ZMYM6: variants seen among roughly 807,000 people sequenced by gnomAD.
ZMYM6 encodes the protein zinc finger MYM-type containing 6, also known as zinc finger MYM-type protein 6.
In ZMYM6, 90 loss-of-function variants were observed where a neutral mutation model predicts 134.0. That is an observed-to-expected ratio of 0.67 (90% CI 0.57 to 0.80). The LOEUF (loss-of-function observed/expected upper bound fraction) is 0.80, where lower values mean the gene tolerates loss of function less well. Ranked by LOEUF, ZMYM6 falls within the 30% of genes least tolerant of loss-of-function variation. The pLI is 0.00. For missense variants in ZMYM6, 1,362 were observed against 1,533.9 expected, an observed-to-expected ratio of 0.89 and a Z score of 1.87; for synonymous variants, 481 against 524.1, an observed-to-expected ratio of 0.92 and a Z score of 1.12.
At chr1:35,005,049 A>ACT (rs10647049) in intron 13 of ZMYM6, 83 bp downstream of exon 13, 127,523 of 1,525,844 alleles carry the variant, frequency 0.084, 23,671 homozygotes, top group African/African-American at 0.7. Flanking sequence ...CAAGAGTGAA[A>ACT]CTGTCTCAAA....
chr1:35,026,163 G>A (rs953927965), intron 2 of ZMYM6, among the ~76,000 whole-genome samples: 3 of 152,020 alleles, frequency 2.0e-5, no homozygotes, highest in East Asian at 1.9e-4. Flanking sequence ...TGGGATGACA[G>A]GCGCCCACCA....
At position 34,988,929 on chromosome 1, in the gene ZMYM6, G is replaced by A. The variant is rs1640618698; in HGVS notation, c.2153C>T (p.Pro718Leu). 6.2e-7 allele frequency: 1 copy of A among 1,605,954 alleles called. No homozygotes were observed. The highest frequency in any genetic ancestry group is 8.5e-7 in the Non-Finnish European group (1 of 1,178,264). ...TGCATCATTTTTTTCATTAGGCATA[G>A]GTAAATCTGAATGAAATATTTGAAT... is the stretch of plus-strand genomic sequence containing the variant. ...TQHKECQTDL[P>L]MPNEKNDAEL... Residue 718 changes from proline to leucine, a missense_variant, in exon 16 of 16, where the codon CCT becomes CTT. Around this residue, in one of 3 missense-constraint regions of ZMYM6, gnomAD observed 824 missense variants for 940.9 expected, o/e 0.88. Coordinates refer to ENST00000357182, the MANE Select transcript of ZMYM6 (RefSeq NM_007167.4).
intron 14 of ZMYM6, among the ~76,000 whole-genome samples, chr1:35,001,213 G>A (rs1272030595): frequency 6.7e-6 from 1 of 150,330 alleles, no homozygotes; most frequent in East Asian, 1.9e-4. Context: ...GTAACTTGAG[G>A]GAGATTCACA....
Position 34,988,853 on chromosome 1 carries a change from A to G in ZMYM6, c.2229T>C (p.Thr743=), listed in dbSNP as rs767898315. 8 of 1,600,560 alleles carry G rather than the reference A, an allele frequency of 5.0e-6. No homozygotes were observed. The change falls in exon 16 of 16, where the codon ACT becomes ACC. Residue 743 remains threonine (T), a synonymous_variant. Coordinates refer to ENST00000357182, the MANE Select transcript of ZMYM6 (RefSeq NM_007167.4). ...SKKKRLGFFQ[T]YDTEYLKVGF... ...CAACTTTTAAATATTCTGTATCATA[A>G]GTCTGGAAAAAACCTAATCTTTTTT...
rs1339504447 is a variant in ZMYM6, at chr1:35,010,340, C to T, written c.1492+107G>A. ...CCGGCCTCCAAAATACTTCTAATTA[C>T]ACCTTGTAAGACAAAAAGAATGTGA... On this transcript the variant is annotated intron_variant, in intron 10 of 15. Transcript: ENST00000357182. 2.8e-6 allele frequency: 4 copies of T among 1,416,910 alleles called. No individual in the cohort carries two copies. In the East Asian group the frequency reaches 9.2e-5, roughly 33 times the overall value. The allele number at this position is 1,416,910 out of a possible 1,614,324, so 87.8% of individuals were successfully genotyped here.
chr1:34,991,722 A>T (rs975924413), intron 15 of ZMYM6, among the ~76,000 whole-genome samples: 2 of 152,280 alleles, frequency 1.3e-5, no homozygotes, highest in African/African-American at 2.4e-5. Flanking sequence ...GGGAGCCAAG[A>T]TCACGCTATT....
chr1:35,004,533 C>T (rs1463455893), intron 13 of ZMYM6, among the ~76,000 whole-genome samples: 2 of 152,052 alleles, frequency 1.3e-5, no homozygotes, highest in East Asian at 1.9e-4. Context: ...CGCTTGAACT[C>T]GGGAGGCGGA....
intron 6 of ZMYM6, chr1:35,013,532 C>T (rs1025220689): frequency 3.0e-6 from 3 of 985,194 alleles, no homozygotes; most frequent in Admixed American, 6.2e-5. Context: ...GAAAGTAGAA[C>T]CAGACTGCCA....
intron 4 of ZMYM6, chr1:35,018,529 G>A (rs1187910121): frequency 1.3e-5 from 2 of 151,518 alleles, no homozygotes; most frequent in African/African-American, 2.4e-5. Flanking sequence ...ATAATCGCAC[G>A]ATATAATTTT....
rs775436124 is a variant in ZMYM6, at chr1:35,010,832, G to A, written c.1267C>T (p.His423Tyr). The change falls in exon 9 of 16, where the codon CAT becomes TAT. Residue 423 changes from histidine (H) to tyrosine (Y), a missense_variant. His to Tyr is a moderately conservative substitution (Grantham distance 83). Coordinates refer to ENST00000357182, the MANE Select transcript of ZMYM6 (RefSeq NM_007167.4). ...TGACACTTGAGTTTAACAACTGTAT[G>A]GGTTAAAGCAACTTGCTGGGATTGT... ...AEQSQQVALTHTVVKLKCQHC... is the reference protein window; with the variant it reads ...AEQSQQVALTYTVVKLKCQHC... The A allele has an allele frequency of 6.2e-7, 1 of 1,610,744 alleles. No homozygotes were observed. The highest frequency in any genetic ancestry group is 1.7e-5 in the Admixed American group (1 of 58,942).
intron 15 of ZMYM6, 66 bp from the exon 16 acceptor site, chr1:34,989,001 C>T (rs759729186): frequency 9.1e-6 from 14 of 1,538,972 alleles, no homozygotes; most frequent in Middle Eastern, 4.7e-4. Flanking sequence ...TATGTATCTC[C>T]CCACATATTT....
At position 35,011,968 on chromosome 1, in the gene ZMYM6, T is replaced by G; in HGVS notation, c.984A>C (p.Ala328=). ...QVSCHSCKTS[A]IPQYHLAMSN... ...ACATGGCTAGGTGATACTGAGGGATTGCTGAGGTTTTACAACTATGACATG... is the reference window on the plus strand; with the variant it reads ...ACATGGCTAGGTGATACTGAGGGATGGCTGAGGTTTTACAACTATGACATG... Residue 328 remains alanine (A), a synonymous_variant, in exon 8 of 16, where the codon GCA becomes GCC. Coordinates refer to ENST00000357182, the MANE Select transcript of ZMYM6 (RefSeq NM_007167.4). 6.2e-7 allele frequency: 1 copy of G among 1,609,922 alleles called. No homozygotes were observed. Among genetic ancestry groups the G allele is most frequent in the Non-Finnish European group, 8.5e-7 (1 of 1,177,580 alleles).
At chr1:34,990,229 C>T in intron 15 of ZMYM6, 1 of 212,632 alleles carries the variant, frequency 4.7e-6, no homozygotes, top group Non-Finnish European at 1.1e-5. Context: ...GCTTGTAATC[C>T]CAGCACTTTG....
intron 14 of ZMYM6, among the ~76,000 whole-genome samples, chr1:34,994,704 G>A (rs886815795): frequency 5.9e-5 from 9 of 151,920 alleles, no homozygotes; most frequent in African/African-American, 2.2e-4. Flanking sequence ...GAAGTATTGC[G>A]TTGGTACAAA....
intron 15 of ZMYM6, chr1:34,991,974 T>TAA (rs539318870): frequency 2.8e-4 from 103 of 366,202 alleles, no homozygotes; most frequent in Middle Eastern, 8.7e-4. Context: ...TCGCAGTATT[T>TAA]AAAAAAAAAA....
In ZMYM6 at chr1:35,019,444, G is replaced by GAGT. The variant is rs747002795; in HGVS notation, c.334_336dup (p.Thr112dup). 1.3e-5 allele frequency: 21 copies of GAGT among 1,614,174 alleles called. No individual in the cohort carries two copies. In the Admixed American group the frequency reaches 3.5e-4, roughly 27 times the overall value. Reference sequence around the variant, plus strand: ...ATGCATCGTGTGGAGCAGAAGAGCTGAGTAGATCCTGTCTTATGATATGCA... The same window carrying GAGT: ...ATGCATCGTGTGGAGCAGAAGAGCTGAGTAGTAGATCCTGTCTTATGATATGCA... On this transcript the variant is annotated inframe_insertion, in exon 4 of 16. Transcript: ENST00000357182.
intron 14 of ZMYM6, among the ~76,000 whole-genome samples, chr1:34,995,691 G>A (rs1016223569): frequency 5.3e-5 from 8 of 152,082 alleles, no homozygotes; most frequent in African/African-American, 9.7e-5. Flanking sequence ...AGATTTCATC[G>A]TGCTACTCAG....
In ZMYM6 at chr1:34,987,866, C is replaced by A; in HGVS notation, c.3216G>T (p.Trp1072Cys). 2 of 1,551,452 alleles carry A rather than the reference C, an allele frequency of 1.3e-6. No homozygotes were observed. Among genetic ancestry groups the A allele is most frequent in the Non-Finnish European group, 8.7e-7 (1 of 1,146,920 alleles). The change falls in exon 16 of 16, where the codon TGG (tryptophan) becomes TGT (cysteine). Residue 1072 changes from tryptophan to cysteine, a missense_variant. By Grantham distance (215) the Trp-to-Cys change is radical (BLOSUM62 -2). Transcript: ENST00000357182. ...VSLPLHAEVR[W>C]ISRGRMLKRL... ...TTTTTAACATTCTCCCTCTTGATAT[C>A]CAACGTACTTCAGCATGAAGCGGTA... is the stretch of plus-strand genomic sequence containing the variant.
At chr1:35,025,212 G>A (rs1270337980) in intron 2 of ZMYM6, among the ~76,000 whole-genome samples, 3 of 151,014 alleles carry the variant, frequency 2.0e-5, no homozygotes, top group Non-Finnish European at 3.0e-5. Flanking sequence ...GGCCAGGCAC[G>A]GTGGCTCACG....
Sources: allele counts gnomAD v4.1 joint callset (sites outside exome capture counted in the v4.1 genomes callset), GRCh38; gene constraint gnomAD v4.1.1; regional missense constraint gnomAD v4.1.1; transcripts MANE v1.5; gene names NCBI Gene and HGNC (gene_info 2026-07-23, HGNC 2026-07-21).